Variants in ZNF764 observed in about 807,000 individuals in gnomAD.
ZNF764 encodes the protein zinc finger protein 764.
Under a neutral mutation model 13.9 loss-of-function variants are expected in ZNF764, and 10 were observed. The observed-to-expected ratio is 0.72, with a 90% CI of 0.44 to 1.22. ZNF764 has a LOEUF of 1.22. ZNF764 is among the 50% of genes most tolerant of loss of function. The pLI is 0.00. For synonymous variants in ZNF764, 313 were observed against 255.1 expected (o/e 1.23, Z -2.16); for missense variants, 647 against 589.7 (o/e 1.10, Z -1.01).
At chr16:30,557,121 C>G (rs2051563365) in intron 2 of ZNF764, among the ~76,000 whole-genome samples, 1 of 137,452 alleles carries the variant, frequency 7.3e-6, no homozygotes, top group Non-Finnish European at 1.5e-5. Flanking sequence ...GCCTGCGCGA[C>G]AGAGGAAGAC....
Position 30,555,266 on chromosome 16 carries a change from G to C in ZNF764, c.1152C>G (p.Thr384=). 1.2e-6 allele frequency: 2 copies of C among 1,612,974 alleles called. No homozygotes were observed. The highest frequency in any genetic ancestry group is 1.7e-6 in the Non-Finnish European group (2 of 1,179,588). ...RVAGRLSVTL[T]PGHGDLDPPV... ...GCGGGTCCAGGTCTCCGTGGCCAGG[G>C]GTCAGGGTCACAGACAGACGCCCGG... The change falls in exon 3 of 3, where the codon ACC becomes ACG. Residue 384 remains threonine (T), a synonymous_variant. Transcript: ENST00000395091.
chr16:30,557,701 G>T, intron 2 of ZNF764, 32 bp downstream of exon 2: 2 of 1,611,834 alleles, frequency 1.2e-6, no homozygotes, highest in Non-Finnish European at 1.7e-6. Context: ...GAACAGAGAA[G>T]TCCCCATGGG....
At chr16:30,556,494 G>T (rs751139436) in intron 2 of ZNF764, among the ~76,000 whole-genome samples, 1 of 147,922 alleles carries the variant, frequency 6.8e-6, no homozygotes, top group Non-Finnish European at 1.5e-5. Flanking sequence ...AAGAAAAAAA[G>T]GGGGGCGGAC....
Position 30,555,128 on chromosome 16 carries a change from A to G in ZNF764, c.*66T>C. 6.6e-7 allele frequency: 1 copy of G among 1,518,498 alleles called. No homozygotes were observed. The highest frequency in any genetic ancestry group is 8.8e-7 in the Non-Finnish European group (1 of 1,132,464). 94.1% of individuals were successfully genotyped at this position (1,518,498 alleles called of 1,614,324 possible). ...CTGGGACCTCCCTGCAGGCCGCCGCAGAGGTTCGGGCCCCTGAGCCCATCT... is the reference window on the plus strand; with the variant it reads ...CTGGGACCTCCCTGCAGGCCGCCGCGGAGGTTCGGGCCCCTGAGCCCATCT... On this transcript the variant is annotated 3_prime_UTR_variant, in exon 3 of 3. Coordinates refer to ENST00000395091, the MANE Select transcript of ZNF764 (RefSeq NM_001172679.2).
Position 30,554,818 on chromosome 16 carries a change from A to G in ZNF764, c.*376T>C, listed in dbSNP as rs2051533545. On this transcript the variant is annotated 3_prime_UTR_variant, in exon 3 of 3. Coordinates refer to ENST00000395091, the MANE Select transcript of ZNF764 (RefSeq NM_001172679.2). ...ATAAATAAATAAAAAGACAATGAGT[A>G]TTGTGTTCTGGGAGGGTCACAAGAA... is the stretch of plus-strand genomic sequence containing the variant. The G allele has an allele frequency of 5.0e-6, 1 of 201,114 alleles. No homozygotes were observed. The highest frequency in any genetic ancestry group is 6.0e-5 in the Admixed American group (1 of 16,716). The allele number at this position is 201,114 out of a possible 1,614,324, so 12.5% of individuals were successfully genotyped here.
In ZNF764 at chr16:30,555,474, G is replaced by T; in HGVS notation, c.944C>A (p.Pro315Gln). Residue 315 changes from proline (P) to glutamine (Q), a missense_variant, in exon 3 of 3, where the codon CCG (proline) becomes CAG (glutamine). Physicochemically the swap from Pro to Gln is moderately conservative, Grantham distance 76. Coordinates refer to ENST00000395091, the MANE Select transcript of ZNF764 (RefSeq NM_001172679.2). The stretch of plus-strand genomic sequence containing the variant: ...GAAGCAGCGCCCGCAGTCCGGGCAC[G>T]GGTAGGGCTTCTCGCCGGTGTGGGT... ...VRTHTGEKPY[P>Q]CPDCGRCFRQ... The T allele has an allele frequency of 1.9e-6, 3 of 1,555,370 alleles. No homozygotes were observed. The highest frequency in any genetic ancestry group is 8.7e-7 in the Non-Finnish European group (1 of 1,154,728).
rs774478991 is a variant in ZNF764 at position 30,557,851 on chromosome 16, G to A, written c.197-5C>T. 2.5e-6 allele frequency: 4 copies of A among 1,600,088 alleles called. No individual in the cohort carries two copies. The highest frequency in any genetic ancestry group is 2.3e-5 in the East Asian group (1 of 44,084). On this transcript the variant is annotated splice_region_variant and splice_polypyrimidine_tract_variant and intron_variant, in intron 1 of 2. Coordinates refer to ENST00000395091, the MANE Select transcript of ZNF764 (RefSeq NM_001172679.2). ...CTGGCTTGTTGCCTCCGATTCCTAG[G>A]GAAGAAGAACGCAAACCCCACGCTG... is the stretch of plus-strand genomic sequence containing the variant.
chr16:30,556,123 G>A lies in ZNF764; in HGVS notation c.311-16C>T. Reference sequence around the variant, plus strand: ...TTTCTGGAATCTGCTGAGAGATAAAGAGGGGAGAGTTCAGGCTCGGCTCAT... The same window carrying A: ...TTTCTGGAATCTGCTGAGAGATAAAAAGGGGAGAGTTCAGGCTCGGCTCAT... On this transcript the variant is annotated splice_polypyrimidine_tract_variant and intron_variant, in intron 2 of 2. Coordinates refer to ENST00000395091, the MANE Select transcript of ZNF764 (RefSeq NM_001172679.2). 6.2e-7 allele frequency: 1 copy of A among 1,609,320 alleles called. No individual in the cohort carries two copies. Among genetic ancestry groups the A allele is most frequent in the Non-Finnish European group, 8.5e-7 (1 of 1,179,984 alleles).
In ZNF764 at chr16:30,556,244, G is replaced by GCTGCAGAGCCAGACAGAGC. The variant is rs2051555753; in HGVS notation, c.311-156_311-138dup. 4.0e-6 allele frequency: 4 copies of GCTGCAGAGCCAGACAGAGC among 1,006,372 alleles called. No individual in the cohort carries two copies. In the South Asian group the frequency reaches 5.9e-5, roughly 15 times the overall value. 62.3% of individuals were successfully genotyped at this position (1,006,372 alleles called of 1,614,324 possible). A position where few individuals can be genotyped will look rare whatever the true frequency, so the allele number is the denominator to read the frequency against. ...ATGGAGGAGTGACACCTGTTCCTCG[G>GCTGCAGAGCCAGACAGAGC]CTGCAGAGCCAGACAGAGCCGGGAG... On this transcript the variant is annotated intron_variant, in intron 2 of 2. Coordinates refer to ENST00000395091, the MANE Select transcript of ZNF764 (RefSeq NM_001172679.2).
Position 30,557,751 on chromosome 16 carries a change from G to C in ZNF764, c.292C>G (p.Gln98Glu). 1 of 1,613,644 alleles carries C rather than the reference G, an allele frequency of 6.2e-7. No individual in the cohort carries two copies. The highest frequency in any genetic ancestry group is 8.5e-7 in the Non-Finnish European group (1 of 1,179,758). ...ACTCCACCTGGGTCCGTTTGTGTCTGACATTTCGCCACCTCCGGATCCTGG... is the reference window on the plus strand; with the variant it reads ...ACTCCACCTGGGTCCGTTTGTGTCTCACATTTCGCCACCTCCGGATCCTGG... ...AAQDPEVAKC[Q>E]TQTDPDSRNK... The change falls in exon 2 of 3, where the codon CAG becomes GAG. Residue 98 changes from glutamine (Q) to glutamate (E), a missense_variant. Physicochemically the swap from Gln to Glu is conservative, Grantham distance 29. Transcript: ENST00000395091.
Position 30,556,585 on chromosome 16 carries a change from T to A in ZNF764, c.311-478A>T, listed in dbSNP as rs562526324. Among the ~76,000 whole-genome samples, 3 of 151,868 alleles carry A rather than the reference T, an allele frequency of 2.0e-5. No individual in the cohort carries two copies. In the South Asian group the frequency reaches 6.3e-4, roughly 32 times the overall value. ...GTAGAGTCAACAGAGTTTAAGAGAC[T>A]GGGCGTGGGGGCTCAAGGCGGTAAT... On this transcript the variant is annotated intron_variant, in intron 2 of 2. Transcript: ENST00000395091.
Position 30,555,416 on chromosome 16 carries a change from G to A in ZNF764, c.1002C>T (p.Arg334=), listed in dbSNP as rs756118123. ...RQSSEMAAHR[R]THSGEKPYPC... ...GGTAGGGCTTCTCGCCGCTGTGGGTGCGCCTGTGGGCTGCCATCTCCGAGC... is the reference window on the plus strand; with the variant it reads ...GGTAGGGCTTCTCGCCGCTGTGGGTACGCCTGTGGGCTGCCATCTCCGAGC... Residue 334 remains arginine, a synonymous_variant, in exon 3 of 3, where the codon CGC becomes CGT. Transcript: ENST00000395091. 2.2e-5 allele frequency: 35 copies of A among 1,560,900 alleles called. No individual in the cohort carries two copies. The Admixed American group carries it at 6.1e-4, about 27-fold the overall frequency.
chr16:30,555,752 G>A lies in ZNF764; in HGVS notation c.666C>T (p.Ala222=), dbSNP rs1444256038. Residue 222 remains alanine, a synonymous_variant, in exon 3 of 3, where the codon GCC becomes GCT. Transcript: ENST00000395091. Reference sequence around the variant, plus strand: ...GGTGGGGCCGCTCCCCACGATGGATGGCCCGGTGTTTGCTCAGGGAGGAAG... The same window carrying A: ...GGTGGGGCCGCTCCCCACGATGGATAGCCCGGTGTTTGCTCAGGGAGGAAG... The part of the protein sequence containing the change: ...GHASSLSKHR[A]IHRGERPHRC... The A allele has an allele frequency of 3.1e-6, 5 of 1,606,858 alleles. No individual in the cohort carries two copies. Among genetic ancestry groups the A allele is most frequent in the Non-Finnish European group, 3.4e-6 (4 of 1,178,482 alleles).
In ZNF764 at chr16:30,554,121, G is replaced by A. The variant is rs975969337; in HGVS notation, c.*1073C>T. On this transcript the variant is annotated 3_prime_UTR_variant, in exon 3 of 3. Transcript: ENST00000395091. Reference sequence around the variant, plus strand: ...CTCAGCTCCCAACAACTGTGGTTTTGTCGGAGCCTAGGTCGAGTTGCCAAA... The same window carrying A: ...CTCAGCTCCCAACAACTGTGGTTTTATCGGAGCCTAGGTCGAGTTGCCAAA... 6.6e-6 allele frequency: 1 copy of A among 152,228 alleles called. No individual in the cohort carries two copies. Among genetic ancestry groups the A allele is most frequent in the African/African-American group, 2.4e-5 (1 of 41,458 alleles). The allele number at this position is 152,228 out of a possible 1,614,324, so 9.4% of individuals were successfully genotyped here.
At position 30,555,458 on chromosome 16, in the gene ZNF764, C is replaced by G; in HGVS notation, c.960G>C (p.Gly320=). Residue 320 remains glycine, a synonymous_variant, in exon 3 of 3, where the codon GGG becomes GGC. Coordinates refer to ENST00000395091, the MANE Select transcript of ZNF764 (RefSeq NM_001172679.2). ...GEKPYPCPDC[G]RCFRQSSEMA... ...TCTCCGAGCTCTGGCGGAAGCAGCG[C>G]CCGCAGTCCGGGCACGGGTAGGGCT... 6.5e-7 allele frequency: 1 copy of G among 1,544,668 alleles called. No individual in the cohort carries two copies. Among genetic ancestry groups the G allele is most frequent in the Non-Finnish European group, 8.8e-7 (1 of 1,142,416 alleles).
chr16:30,557,625 G>A, intron 2 of ZNF764, 108 bp downstream of exon 2: 1 of 1,460,320 alleles, frequency 6.8e-7, no homozygotes, highest in Non-Finnish European at 9.3e-7. Flanking sequence ...CAGTTGAGAA[G>A]GCAGTTCAGA....
At chr16:30,557,147 A>T (rs1000960590) in intron 2 of ZNF764, among the ~76,000 whole-genome samples, 3 of 151,832 alleles carry the variant, frequency 2.0e-5, no homozygotes, top group Non-Finnish European at 4.4e-5. Context: ...CTCAAAAAAA[A>T]AAAAAAAAAT....
In ZNF764 at chr16:30,555,478, A is replaced by C; in HGVS notation, c.940T>G (p.Tyr314Asp). 1 of 1,553,826 alleles carries C rather than the reference A, an allele frequency of 6.4e-7. No homozygotes were observed. The highest frequency in any genetic ancestry group is 8.7e-7 in the Non-Finnish European group (1 of 1,154,094). The change falls in exon 3 of 3, where the codon TAC becomes GAC. Residue 314 changes from tyrosine (Y) to aspartate (D), a missense_variant. Physicochemically the swap from Tyr to Asp is radical, Grantham distance 160. Coordinates refer to ENST00000395091, the MANE Select transcript of ZNF764 (RefSeq NM_001172679.2). ...HVRTHTGEKP[Y>D]PCPDCGRCFR... The stretch of plus-strand genomic sequence containing the variant: ...CAGCGCCCGCAGTCCGGGCACGGGT[A>C]GGGCTTCTCGCCGGTGTGGGTGCGC...
chr16:30,557,679 G>C (rs1567510111), intron 2 of ZNF764, 54 bp downstream of exon 2: 2 of 1,600,018 alleles, frequency 1.2e-6, no homozygotes, highest in East Asian at 2.3e-5. Flanking sequence ...AGAGGGTACC[G>C]GGATGGGACA....
Sources: gnomAD v4.1 joint callset for allele counts (sites outside exome capture counted in the v4.1 genomes callset) on GRCh38, gnomAD v4.1.1 for gene constraint, MANE v1.5 for transcripts, NCBI Gene and HGNC (gene_info 2026-07-23, HGNC 2026-07-21) for gene names.